HELLS: variants seen among roughly 807,000 people sequenced by gnomAD.
HELLS encodes the protein lymphoid-specific helicase.
In HELLS, 32 loss-of-function variants were observed where a neutral mutation model predicts 120.0. That is an observed-to-expected ratio of 0.27 (90% confidence interval 0.20 to 0.36). The LOEUF (loss-of-function observed/expected upper bound fraction) is 0.36, where lower values mean the gene tolerates loss of function less well. Ranked by LOEUF, HELLS falls within the 10% of genes least tolerant of loss-of-function variation. The pLI is 1.00. For synonymous variants in HELLS, 341 were observed against 323.4 expected (o/e 1.05, Z -0.58); for missense variants, 650 against 993.4 (o/e 0.65, Z 4.65).
chr10:94,562,650 G>C lies in HELLS; in HGVS notation c.334-41G>C. ...GCCTTTTAACGTATAATACTATGAAGGTCCTTAATAAAATCAATATTCTGA... is the reference window on the plus strand; with the variant it reads ...GCCTTTTAACGTATAATACTATGAACGTCCTTAATAAAATCAATATTCTGA... On this transcript the variant is annotated intron_variant, in intron 4 of 21. Coordinates refer to ENST00000348459, the MANE Select transcript of HELLS (RefSeq NM_018063.5). 2 of 1,388,148 alleles carry C rather than the reference G, an allele frequency of 1.4e-6. 1 individual carries two copies. Among genetic ancestry groups the C allele is most frequent in the Middle Eastern group, 3.8e-4 (2 of 5,276 alleles). 86.0% of individuals were successfully genotyped at this position (1,388,148 alleles called of 1,614,324 possible).
intron 2 of HELLS, among the ~76,000 whole-genome samples, chr10:94,549,644 T>C (rs143028616): frequency 1.3e-5 from 2 of 152,130 alleles, no homozygotes; most frequent in African/African-American, 4.8e-5. Flanking sequence ...ATGGGGTAGA[T>C]AATGAGGAAT....
chr10:94,558,842 C>G (rs1564580929), intron 4 of HELLS, among the ~76,000 whole-genome samples: 1 of 152,176 alleles, frequency 6.6e-6, no homozygotes, highest in Non-Finnish European at 1.5e-5. Flanking sequence ...ACCTTGTGAT[C>G]TGCCCACCTC....
chr10:94,559,803 A>G (rs1209653460), intron 4 of HELLS, among the ~76,000 whole-genome samples: 1 of 152,136 alleles, frequency 6.6e-6, no homozygotes, highest in East Asian at 1.9e-4. Flanking sequence ...AAAAACAGAA[A>G]CACAAATAAA....
intron 4 of HELLS, among the ~76,000 whole-genome samples, chr10:94,561,090 C>CT (rs1276525722): frequency 2.0e-5 from 3 of 151,640 alleles, no homozygotes; most frequent in African/African-American, 4.8e-5. Context: ...AAAAAACCCT[C>CT]TGATCCTTGA....
chr10:94,548,379 A>G (rs74533239), intron 2 of HELLS, among the ~76,000 whole-genome samples: 4,254 of 152,296 alleles, frequency 0.028, 94 homozygotes, highest in South Asian at 0.045. Context: ...TGAGTAATGT[A>G]TCTTCAGTTT....
At position 94,592,516 on chromosome 10, in the gene HELLS, TA is replaced by T; in HGVS notation, c.1971+4del. On this transcript the variant is annotated splice_donor_region_variant and intron_variant, in intron 17 of 21. Coordinates refer to ENST00000348459, the MANE Select transcript of HELLS (RefSeq NM_018063.5). ...TCTTACTCAGAGAGAGAAAAAAACG[TA>T]AGACTACTTATGTCATACATACCAA... 6.9e-7 allele frequency: 1 copy of T among 1,448,744 alleles called. No individual in the cohort carries two copies. Among genetic ancestry groups the T allele is most frequent in the Non-Finnish European group, 9.1e-7 (1 of 1,098,842 alleles). 89.7% of individuals were successfully genotyped at this position (1,448,744 alleles called of 1,614,324 possible). A position where few individuals can be genotyped will look rare whatever the true frequency, so the allele number is the denominator to read the frequency against.
chr10:94,582,551 A>G (rs1413734023), intron 11 of HELLS, among the ~76,000 whole-genome samples: 1 of 152,188 alleles, frequency 6.6e-6, no homozygotes, highest in Non-Finnish European at 1.5e-5. Context: ...CAAGTTATGT[A>G]TATGTTGAAT....
exon 10 of HELLS, chr10:94,613,398 G>GT (rs750136777): frequency 1.3e-5 from 2 of 152,122 alleles, no homozygotes; most frequent in Non-Finnish European, 2.9e-5. Flanking sequence ...TCTCTGACAT[G>GT]TTTCGTTGAT....
intron 12 of HELLS, among the ~76,000 whole-genome samples, chr10:94,587,825 C>T (rs1347292842): frequency 6.6e-6 from 1 of 152,144 alleles, no homozygotes; most frequent in Admixed American, 6.5e-5. Context: ...CTTATTATTT[C>T]TACTTTTTGT....
chr10:94,555,560 T>G (rs965467229), intron 3 of HELLS, among the ~76,000 whole-genome samples: 8 of 152,230 alleles, frequency 5.3e-5, no homozygotes, highest in African/African-American at 1.9e-4. Context: ...GCTCTGCGCT[T>G]CTTTCTCCAT....
At chr10:94,546,321 T>C (rs1842750508) in intron 1 of HELLS, 56 bp from the exon 2 acceptor site, 43 of 1,608,560 alleles carry the variant, frequency 2.7e-5, no homozygotes, top group Non-Finnish European at 3.6e-5. Context: ...CTTGTTGGAG[T>C]TGAGTAGTTG....
chr10:94,611,122 T>C (rs1386437437), exon 10 of HELLS: 4 of 152,216 alleles, frequency 2.6e-5, no homozygotes. Flanking sequence ...CTGGCTGTAC[T>C]GAAGGGACTT....
chr10:94,594,294 A>G (rs1845639846), intron 18 of HELLS, among the ~76,000 whole-genome samples: 1 of 151,982 alleles, frequency 6.6e-6, no homozygotes, highest in Non-Finnish European at 1.5e-5. Context: ...GATTCAAGTG[A>G]TCCTCCCACC....
At chr10:94,581,548 T>A in intron 11 of HELLS, 26 bp downstream of exon 11, 1 of 1,511,574 alleles carries the variant, frequency 6.6e-7, no homozygotes, top group Non-Finnish European at 9.0e-7. Flanking sequence ...ATTTAATGAT[T>A]TAACCTCAAA....
Position 94,571,352 on chromosome 10 carries a change from C to T in HELLS, c.436-36C>T, listed in dbSNP as rs769253421. 8 of 1,381,526 alleles carry T rather than the reference C, an allele frequency of 5.8e-6. No homozygotes were observed. The African/African-American group carries it at 7.2e-5, about 12-fold the overall frequency. 85.6% of individuals were successfully genotyped at this position (1,381,526 alleles called of 1,614,324 possible). On this transcript the variant is annotated intron_variant, in intron 6 of 21. Coordinates refer to ENST00000348459, the MANE Select transcript of HELLS (RefSeq NM_018063.5). ...AATAAATAAATAAATGAACTTCATA[C>T]ATTATTAATTTGTTTTTGTTTTCTC...
chr10:94,608,280 T>A (rs963880532), intron 9 of HELLS, among the ~76,000 whole-genome samples: 1 of 152,248 alleles, frequency 6.6e-6, no homozygotes, highest in Non-Finnish European at 1.5e-5. Flanking sequence ...TAATTTTTCC[T>A]ATTGTCCTTT....
chr10:94,583,151 G>A, intron 12 of HELLS, 92 bp downstream of exon 12: 1 of 572,824 alleles, frequency 1.7e-6, no homozygotes, highest in Non-Finnish European at 2.9e-6. Flanking sequence ...TTGTAGTAGA[G>A]ATTTGAAAAA....
Position 94,592,299 on chromosome 10 carries a change from A to T in HELLS, c.1838A>T (p.Lys613Ile), listed in dbSNP as rs1227344266. The T allele has an allele frequency of 6.2e-7, 1 of 1,611,282 alleles. No individual in the cohort carries two copies. The highest frequency in any genetic ancestry group is 1.7e-5 in the Admixed American group (1 of 59,694). Residue 613 changes from lysine to isoleucine, a missense_variant, in exon 16 of 22, where the codon AAA becomes ATA. By Grantham distance (102) the Lys-to-Ile change is moderately radical. Coordinates refer to ENST00000348459, the MANE Select transcript of HELLS (RefSeq NM_018063.5). ...GATCGAATGCTGCCAGAACTAAAAA[A>T]AAGAGGTCACAAGGTGGTACTTTTG... ...ILDRMLPELK[K>I]RGHKVLLFSQ... is the part of the protein sequence containing the mutation.
intron 17 of HELLS, 100 bp downstream of exon 17, chr10:94,592,614 A>G: frequency 2.5e-6 from 2 of 814,026 alleles, no homozygotes; most frequent in Admixed American, 3.2e-5. Flanking sequence ...TGATAAAAAG[A>G]TAGAAATGAC....
Sources: gnomAD v4.1 joint callset for allele counts (sites outside exome capture counted in the v4.1 genomes callset) on GRCh38, gnomAD v4.1.1 for gene constraint, MANE v1.5 for transcripts, NCBI Gene and HGNC (gene_info 2026-07-23, HGNC 2026-07-21) for gene names.